Variants in NCAPD3 observed in about 807,000 individuals in gnomAD.
NCAPD3 encodes the protein non-SMC condensin II complex subunit D3.
NCAPD3 carries 105 observed loss-of-function variants against 182.9 expected under a neutral mutation model. The ratio of observed to expected loss-of-function variants is 0.57; its 90% CI spans 0.49 to 0.68. The LOEUF is 0.68. NCAPD3 is among the 30% of genes least tolerant of loss of function. The pLI, the probability that NCAPD3 is intolerant of heterozygous loss-of-function variation, is 0.00. For synonymous variants in NCAPD3, 815 were observed against 679.9 expected (o/e 1.20, Z -3.09); for missense variants, 1,944 against 1,837.0 (o/e 1.06, Z -1.07).
intron 28 of NCAPD3, among the ~76,000 whole-genome samples, chr11:134,161,106 C>A (rs1036993101): frequency 1.3e-5 from 2 of 151,646 alleles, no homozygotes; most frequent in Non-Finnish European, 2.9e-5. Flanking sequence ...TTTGTTGAGG[C>A]CTTTATTGGA....
At chr11:134,203,237 A>G in intron 11 of NCAPD3, 39 bp from the exon 12 acceptor site, 1 of 1,369,158 alleles carries the variant, frequency 7.3e-7, no homozygotes, top group South Asian at 1.2e-5. Context: ...AGAAGTCAGT[A>G]TCATAAACTG....
chr11:134,222,298 C>T (rs1169428209), intron 1 of NCAPD3, among the ~76,000 whole-genome samples: 3 of 152,214 alleles, frequency 2.0e-5, no homozygotes, highest in Non-Finnish European at 4.4e-5. Flanking sequence ...ACTCAACAAA[C>T]ACTTTGAGAA....
At chr11:134,172,550 G>C (rs187307801) in intron 24 of NCAPD3, among the ~76,000 whole-genome samples, 2 of 152,136 alleles carry the variant, frequency 1.3e-5, no homozygotes, top group African/African-American at 4.8e-5. Flanking sequence ...TATTTGAGGC[G>C]CTGTCCTGCC....
At chr11:134,154,040 TCA>T (rs1943344871) in intron 32 of NCAPD3, 1 of 153,672 alleles carries the variant, frequency 6.5e-6, no homozygotes, top group Non-Finnish European at 1.4e-5. Flanking sequence ...GAATTCTGGC[TCA>T]GTGTCTCACC....
rs1204574627 is a variant in NCAPD3, at chr11:134,177,281, G to A, written c.2959C>T (p.Leu987=). ...CGGATGAATGGGTCGGAATCCTTCAGACACATGGAGATGTTGGGAATATAC... is the reference window on the plus strand; with the variant it reads ...CGGATGAATGGGTCGGAATCCTTCAAACACATGGAGATGTTGGGAATATAC... The part of the protein sequence containing the change: ...DKYIPNISMC[L]KDSDPFIRKQ... Residue 987 remains leucine (L), a synonymous_variant, in exon 23 of 35, where the codon CTG becomes TTG. Transcript: ENST00000534548. 6.2e-7 allele frequency: 1 copy of A among 1,614,232 alleles called. No individual in the cohort carries two copies. The highest frequency in any genetic ancestry group is 8.5e-7 in the Non-Finnish European group (1 of 1,180,034).
At chr11:134,156,124 G>A (rs1211096719) in intron 32 of NCAPD3, among the ~76,000 whole-genome samples, 1 of 152,232 alleles carries the variant, frequency 6.6e-6, no homozygotes, top group Non-Finnish European at 1.5e-5. Flanking sequence ...ACAGGCTGGA[G>A]AAGGGGCACA....
intron 32 of NCAPD3, chr11:134,153,745 G>C: frequency 3.8e-6 from 1 of 265,708 alleles, no homozygotes; most frequent in South Asian, 4.9e-5. Flanking sequence ...CCTTGCCTCT[G>C]CACCTCCACG....
At position 134,176,338 on chromosome 11, in the gene NCAPD3, T is replaced by C. The variant is rs1269223907; in HGVS notation, c.3070A>G (p.Thr1024Ala). 1 of 1,613,958 alleles carries C rather than the reference T, an allele frequency of 6.2e-7. No homozygotes were observed. Among genetic ancestry groups the C allele is most frequent in the Non-Finnish European group, 8.5e-7 (1 of 1,179,954 alleles). Residue 1024 changes from threonine (T) to alanine (A), a missense_variant, in exon 24 of 35, where the codon ACT becomes GCT. Transcript: ENST00000534548. ...ATGTCTGGGTGTGAATCGATCAGAGTGCTGACAAATCGGAAGAACAGGGAG... is the reference window on the plus strand; with the variant it reads ...ATGTCTGGGTGTGAATCGATCAGAGCGCTGACAAATCGGAAGAACAGGGAG... ...KGSLFFRFVS[T>A]LIDSHPDIAS...
At chr11:134,163,976 G>A (rs191504915) in intron 27 of NCAPD3, among the ~76,000 whole-genome samples, 4 of 152,130 alleles carry the variant, frequency 2.6e-5, no homozygotes, top group Non-Finnish European at 4.4e-5. Flanking sequence ...GGGTGGTAAG[G>A]AAACCATGGA....
At chr11:134,156,491 T>C (rs1278101012) in intron 32 of NCAPD3, among the ~76,000 whole-genome samples, 3 of 152,136 alleles carry the variant, frequency 2.0e-5, no homozygotes, top group African/African-American at 7.2e-5. Flanking sequence ...TACTCAACTC[T>C]CCTAACTCAC....
chr11:134,222,335 T>C (rs1454181970), intron 1 of NCAPD3, among the ~76,000 whole-genome samples: 1 of 152,208 alleles, frequency 6.6e-6, no homozygotes, highest in South Asian at 2.1e-4. Context: ...CTTATACTTC[T>C]AGGGATATAA....
chr11:134,210,210 T>A lies in NCAPD3; in HGVS notation c.567+60A>T, dbSNP rs1937779445. On this transcript the variant is annotated intron_variant, in intron 4 of 34. Transcript: ENST00000534548. ...GAAACCATGTTTAGTATAAAGTCAATCCTTAAATAAAGCAAATCGTGTGTT... is the reference window on the plus strand; with the variant it reads ...GAAACCATGTTTAGTATAAAGTCAAACCTTAAATAAAGCAAATCGTGTGTT... 2.6e-5 allele frequency: 37 copies of A among 1,448,434 alleles called. No homozygotes were observed. The South Asian group carries it at 4.4e-4, about 17-fold the overall frequency. 89.7% of individuals were successfully genotyped at this position (1,448,434 alleles called of 1,614,324 possible). A position where few individuals can be genotyped will look rare whatever the true frequency, so the allele number is the denominator to read the frequency against.
intron 13 of NCAPD3, among the ~76,000 whole-genome samples, chr11:134,198,738 C>T (rs913300331): frequency 5.9e-5 from 9 of 152,148 alleles, no homozygotes; most frequent in South Asian, 4.2e-4. Flanking sequence ...CATTAGAGCT[C>T]GTAATGAGTT....
chr11:134,212,212 G>A (rs1275805838), intron 3 of NCAPD3, among the ~76,000 whole-genome samples: 1 of 152,116 alleles, frequency 6.6e-6, no homozygotes, highest in Non-Finnish European at 1.5e-5. Context: ...CAGGCAGAAG[G>A]AAAATTATAG....
intron 7 of NCAPD3, 49 bp downstream of exon 7, chr11:134,208,801 CATCATATGGTTCAT>C: frequency 1.9e-6 from 2 of 1,073,608 alleles, no homozygotes; most frequent in South Asian, 2.8e-5. Context: ...AACATATTTC[CATCATATGGTTCAT>C]GTGCCTTCGA....
intron 27 of NCAPD3, among the ~76,000 whole-genome samples, chr11:134,163,528 T>C (rs1383506675): frequency 6.6e-6 from 1 of 151,474 alleles, no homozygotes; most frequent in Non-Finnish European, 1.5e-5. Context: ...TGAAACCCCA[T>C]CTCTACTAAA....
intron 29 of NCAPD3, 89 bp from the exon 30 acceptor site, chr11:134,158,584 C>CA: frequency 5.0e-6 from 7 of 1,389,716 alleles, no homozygotes; most frequent in Non-Finnish European, 6.9e-6. Context: ...GTTGGGGGTC[C>CA]ATATGAGATT....
At chr11:134,214,722 C>A (rs1315086222) in intron 3 of NCAPD3, among the ~76,000 whole-genome samples, 1 of 152,166 alleles carries the variant, frequency 6.6e-6, no homozygotes, top group South Asian at 2.1e-4. Context: ...GAGGAGATCA[C>A]TAGAAATTCT....
Position 134,194,107 on chromosome 11 carries a change from T to A in NCAPD3, c.1733A>T (p.Lys578Met), listed in dbSNP as rs547719194. The change falls in exon 15 of 35, where the codon AAG (lysine) becomes ATG (methionine). Residue 578 changes from lysine (K) to methionine (M), a missense_variant. Transcript: ENST00000534548. ...GTCCTGCAGAATCCACAGGTCTTCC[T>A]TCATGCCTGAGACATCACAGTGTTT... ...ILKHCDVSGM[K>M]EDLWILQDQC... 3.1e-6 allele frequency: 5 copies of A among 1,614,192 alleles called. No individual in the cohort carries two copies. In the African/African-American group the frequency reaches 4.0e-5, roughly 13 times the overall value.
Sources: allele counts gnomAD v4.1 joint callset (sites outside exome capture counted in the v4.1 genomes callset), GRCh38; gene constraint gnomAD v4.1.1; transcripts MANE v1.5; gene names NCBI Gene and HGNC (gene_info 2026-07-23, HGNC 2026-07-21).